The following CNTN4 variants were observed in gnomAD, a reference collection of about 807,000 sequenced individuals.
CNTN4 encodes contactin 4, also known as contactin-4.
Under a neutral mutation model 122.5 loss-of-function variants are expected in CNTN4, and 77 were observed. The ratio of observed to expected loss-of-function variants is 0.63; its 90% CI spans 0.52 to 0.76. The LOEUF (loss-of-function observed/expected upper bound fraction) is 0.76, where lower values mean the gene tolerates loss of function less well. Ranked by LOEUF, CNTN4 falls within the 30% of genes least tolerant of loss-of-function variation. CNTN4 has a pLI of 0.00. For missense variants in CNTN4, 1,256 were observed against 1,259.1 expected (o/e 1.00, Z 0.04); for synonymous variants, 512 against 447.0 (o/e 1.15, Z -1.83).
intron 6 of CNTN4, among the ~76,000 whole-genome samples, chr3:2,794,003 T>C (rs1442667285): frequency 6.6e-6 from 1 of 152,190 alleles, no homozygotes; most frequent in Non-Finnish European, 1.5e-5. Flanking sequence ...TGTACTGCCA[T>C]GCATATTTTT....
intron 8 of CNTN4, among the ~76,000 whole-genome samples, chr3:2,869,992 T>G (rs1167641757): frequency 6.6e-6 from 1 of 152,222 alleles, no homozygotes; most frequent in Non-Finnish European, 1.5e-5. Context: ...CAAATGCACT[T>G]AGGCCAGAAT....
rs117713051 is a variant in CNTN4 at position 2,189,688 on chromosome 3, C to T, written c.-145+89049C>T. On this transcript the variant is annotated intron_variant, in intron 2 of 24. Coordinates refer to ENST00000418658, the MANE Select transcript of CNTN4 (RefSeq NM_175607.3). ...TCTCTCTAAGCAAGATGGCGCTCTT[C>T]ATTATTCATGAAAAATACGATTTCC... Among the ~76,000 whole-genome samples the T allele has an allele frequency of 2.8e-4, 43 of 152,122 alleles. No homozygotes were observed. The East Asian group carries it at 8.1e-3, about 29-fold the overall frequency.
At chr3:2,408,630 T>G (rs2047120123) in intron 3 of CNTN4, among the ~76,000 whole-genome samples, 1 of 152,176 alleles carries the variant, frequency 6.6e-6, no homozygotes. Context: ...TCTCTTCAAG[T>G]GAACCCTTGG....
intron 3 of CNTN4, among the ~76,000 whole-genome samples, chr3:2,514,138 C>T (rs903118277): frequency 1.3e-5 from 2 of 152,128 alleles, no homozygotes; most frequent in Non-Finnish European, 2.9e-5. Flanking sequence ...TCCTTGCATT[C>T]TTTGTTTTGG....
chr3:2,880,944 T>C (rs568716312), intron 8 of CNTN4, among the ~76,000 whole-genome samples: 1 of 152,184 alleles, frequency 6.6e-6, no homozygotes, highest in Admixed American at 6.5e-5. Context: ...TTTAGAAAAA[T>C]GTGCATCCAG....
At chr3:2,392,991 A>G (rs2150900269) in intron 3 of CNTN4, among the ~76,000 whole-genome samples, 1 of 152,310 alleles carries the variant, frequency 6.6e-6, no homozygotes, top group East Asian at 1.9e-4. Context: ...TGAGTGGCTT[A>G]AACAACAGAA....
intron 2 of CNTN4, among the ~76,000 whole-genome samples, chr3:2,195,032 A>G (rs188543961): frequency 2.0e-5 from 3 of 151,896 alleles, no homozygotes; most frequent in African/African-American, 2.4e-5. Context: ...CCTCCAGTCT[A>G]TCTGAGACTT....
chr3:2,907,058 G>A (rs536507135), intron 12 of CNTN4, among the ~76,000 whole-genome samples: 56 of 152,188 alleles, frequency 3.7e-4, no homozygotes, highest in African/African-American at 1.3e-3. Context: ...AGTGAATAAG[G>A]GAGAAGACAT....
intron 4 of CNTN4, among the ~76,000 whole-genome samples, chr3:2,710,440 A>G (rs748185895): frequency 2.0e-5 from 3 of 152,230 alleles, no homozygotes; most frequent in Non-Finnish European, 2.9e-5. Flanking sequence ...TCTTGTTTCC[A>G]TAACTAGTGC....
At chr3:2,275,550 ATATAT>A (rs541981718) in intron 2 of CNTN4, among the ~76,000 whole-genome samples, 58 of 151,942 alleles carry the variant, frequency 3.8e-4, no homozygotes, top group African/African-American at 1.3e-3. Flanking sequence ...ATTCACAATT[ATATAT>A]TATATACATT....
rs563211718 is a variant in CNTN4 at position 2,423,873 on chromosome 3, T to G, written c.-89+84640T>G. Among the ~76,000 whole-genome samples, 6 of 147,928 alleles carry G rather than the reference T, an allele frequency of 4.1e-5. 1 individual carries two copies. Among genetic ancestry groups the G allele is most frequent in the African/African-American group, 1.5e-4 (6 of 40,204 alleles). Reference sequence around the variant, plus strand: ...TCTATGGTGGGAGTAATAGTTCTTATTTTCTTGCCTTTTAATGTTTGGACA... The same window carrying G: ...TCTATGGTGGGAGTAATAGTTCTTAGTTTCTTGCCTTTTAATGTTTGGACA... On this transcript the variant is annotated intron_variant, in intron 3 of 24. Transcript: ENST00000418658.
intron 2 of CNTN4, among the ~76,000 whole-genome samples, chr3:2,304,260 G>T (rs1353513651): frequency 6.6e-6 from 1 of 151,984 alleles, no homozygotes; most frequent in East Asian, 1.9e-4. Context: ...AATTAAATTT[G>T]TTATTGAATG....
chr3:2,383,990 A>G (rs2046136009), intron 3 of CNTN4, among the ~76,000 whole-genome samples: 1 of 152,162 alleles, frequency 6.6e-6, no homozygotes, highest in African/African-American at 2.4e-5. Context: ...GACTGACTGT[A>G]ATAACTATAA....
intron 4 of CNTN4, among the ~76,000 whole-genome samples, chr3:2,729,288 G>A (rs1194982409): frequency 2.0e-5 from 3 of 152,116 alleles, no homozygotes; most frequent in Non-Finnish European, 2.9e-5. Flanking sequence ...AAAGTGGCCG[G>A]GCGCGGTGGC....
At chr3:2,865,831 A>G (rs376536964) in intron 7 of CNTN4, among the ~76,000 whole-genome samples, 1 of 152,182 alleles carries the variant, frequency 6.6e-6, no homozygotes, top group African/African-American at 2.4e-5. Context: ...TTCATAAAAC[A>G]TTTACCTAAT....
At chr3:2,412,986 T>C (rs2047281056) in intron 3 of CNTN4, among the ~76,000 whole-genome samples, 1 of 152,224 alleles carries the variant, frequency 6.6e-6, no homozygotes, top group Admixed American at 6.5e-5. Flanking sequence ...ACTCAATAAA[T>C]GTTAACTGTT....
At chr3:2,369,064 C>T (rs2045528856) in intron 3 of CNTN4, among the ~76,000 whole-genome samples, 2 of 152,134 alleles carry the variant, frequency 1.3e-5, no homozygotes, top group Admixed American at 1.3e-4. Context: ...GCTGGGATTA[C>T]AGGCACCTGC....
At chr3:2,375,655 T>C (rs2045788702) in intron 3 of CNTN4, among the ~76,000 whole-genome samples, 1 of 152,224 alleles carries the variant, frequency 6.6e-6, no homozygotes, top group Non-Finnish European at 1.5e-5. Context: ...GGGCCTGCCC[T>C]ATTCTGAACA....
chr3:2,100,726 G>C (rs2031868208), intron 2 of CNTN4, 87 bp downstream of exon 2: 1 of 152,174 alleles, frequency 6.6e-6, no homozygotes, highest in Admixed American at 6.5e-5. Context: ...AGGTAAGATT[G>C]CTAAGGATCA....
Sources: gnomAD v4.1 joint callset for allele counts (sites outside exome capture counted in the v4.1 genomes callset) on GRCh38, gnomAD v4.1.1 for gene constraint, MANE v1.5 for transcripts, NCBI Gene and HGNC (gene_info 2026-07-23, HGNC 2026-07-21) for gene names.